The following BLTP3B variants were observed in gnomAD, a reference collection of about 807,000 sequenced individuals.
BLTP3B encodes bridge-like lipid transfer protein family member 3B.
the BLTP3B span, among the ~76,000 whole-genome samples, chr12:100,074,853 A>G: frequency 5.3e-5 from 8 of 152,206 alleles, no homozygotes; most frequent in African/African-American, 1.9e-4. Flanking sequence ...TCAATGGAAC[A>G]GAATAGAGAA....
the BLTP3B span, among the ~76,000 whole-genome samples, chr12:100,132,432 T>G: frequency 6.6e-6 from 1 of 152,108 alleles, no homozygotes; most frequent in Non-Finnish European, 1.5e-5. Context: ...GTTCTTGCAG[T>G]AGTAAGTTCT....
the BLTP3B span, among the ~76,000 whole-genome samples, chr12:100,075,810 T>A: frequency 6.6e-6 from 1 of 152,006 alleles, no homozygotes; most frequent in Admixed American, 6.6e-5. Context: ...CTCAGATACA[T>A]TAGTTAGAAT....
At chr12:100,052,939 G>A in the BLTP3B span, among the ~76,000 whole-genome samples, 7 of 151,484 alleles carry the variant, frequency 4.6e-5, no homozygotes, top group Middle Eastern at 3.4e-3. Flanking sequence ...GACTACAGGC[G>A]TGTGCCACTA....
At chr12:100,057,658 A>G in the BLTP3B span, 12 of 1,612,990 alleles carry the variant, frequency 7.4e-6, no homozygotes, top group South Asian at 4.4e-5. Flanking sequence ...ATGGTATCCA[A>G]TGACATTTGT....
the BLTP3B span, chr12:100,072,695 T>G: frequency 6.4e-7 from 1 of 1,560,442 alleles, no homozygotes; most frequent in African/African-American, 1.4e-5. Flanking sequence ...TCCATCTGGA[T>G]AGTAATATTC....
At chr12:100,058,631 A>G in the BLTP3B span, 11 of 1,614,084 alleles carry the variant, frequency 6.8e-6, no homozygotes, top group Non-Finnish European at 8.5e-6. Context: ...CAGGAGACTT[A>G]AGAGTATTTG....
chr12:100,076,926 ATTTTG>A, the BLTP3B span, among the ~76,000 whole-genome samples: 1 of 151,972 alleles, frequency 6.6e-6, no homozygotes, highest in Non-Finnish European at 1.5e-5. Context: ...ACTTTTGTTT[ATTTTG>A]TTTTGTGTTT....
chr12:100,126,035 G>A, the BLTP3B span, among the ~76,000 whole-genome samples: 1 of 152,218 alleles, frequency 6.6e-6, no homozygotes, highest in Non-Finnish European at 1.5e-5. Context: ...GGAGGCTGAG[G>A]TGGGAGGATG....
chr12:100,055,276 C>T, the BLTP3B span, among the ~76,000 whole-genome samples: 2 of 152,138 alleles, frequency 1.3e-5, no homozygotes, highest in Non-Finnish European at 2.9e-5. Context: ...GCTTTGTTTG[C>T]CTCACCTTTA....
the BLTP3B span, chr12:100,058,338 C>T: frequency 6.2e-7 from 1 of 1,613,730 alleles, no homozygotes; most frequent in African/African-American, 1.3e-5. Flanking sequence ...AAGTCCACTA[C>T]TTTCATCTTC....
chr12:100,068,371 C>T, the BLTP3B span, among the ~76,000 whole-genome samples: 1 of 152,152 alleles, frequency 6.6e-6, no homozygotes, highest in Non-Finnish European at 1.5e-5. Context: ...GGACTTAAAT[C>T]TAAGCCCTGA....
At chr12:100,045,088 TTAAA>T in the BLTP3B span, among the ~76,000 whole-genome samples, 12 of 152,024 alleles carry the variant, frequency 7.9e-5, no homozygotes, top group Non-Finnish European at 1.5e-4. Flanking sequence ...CACTGCTCAA[TTAAA>T]TAAAAGAGGA....
the BLTP3B span, among the ~76,000 whole-genome samples, chr12:100,053,336 A>C: frequency 6.6e-6 from 1 of 152,030 alleles, no homozygotes; most frequent in Non-Finnish European, 1.5e-5. Flanking sequence ...TGAACCCAGG[A>C]GGCGGAGGTT....
the BLTP3B span, chr12:100,103,929 GT>G: frequency 6.2e-7 from 1 of 1,600,398 alleles, no homozygotes; most frequent in Non-Finnish European, 8.5e-7. Context: ...GATGGGATGT[GT>G]TTTCAGTTTT....
the BLTP3B span, among the ~76,000 whole-genome samples, chr12:100,097,684 CTTCATA>C: frequency 1.3e-5 from 2 of 151,440 alleles, no homozygotes; most frequent in African/African-American, 4.9e-5. Context: ...AATTACACCT[CTTCATA>C]TTCATATTCA....
the BLTP3B span, among the ~76,000 whole-genome samples, chr12:100,041,157 C>G: frequency 1.4e-4 from 22 of 152,112 alleles, no homozygotes; most frequent in African/African-American, 4.1e-4. Context: ...TATCTATCAT[C>G]CAAAAAGTAA....
At chr12:100,108,690 T>C in the BLTP3B span, 1 of 649,994 alleles carries the variant, frequency 1.5e-6, no homozygotes, top group African/African-American at 1.9e-5. Flanking sequence ...ATAAAGAAAA[T>C]GTGGTACATA....
At chr12:100,109,192 CT>C in the BLTP3B span, among the ~76,000 whole-genome samples, 1 of 150,268 alleles carries the variant, frequency 6.7e-6, no homozygotes, top group Non-Finnish European at 1.5e-5. Flanking sequence ...CTCTCTCTCT[CT>C]CTCTCTCTCT....
the BLTP3B span, among the ~76,000 whole-genome samples, chr12:100,120,811 G>A: frequency 1.3e-5 from 2 of 151,818 alleles, no homozygotes; most frequent in Non-Finnish European, 2.9e-5. Context: ...GAGAGAGAGA[G>A]AGAAAGGCCT....
Sources: gnomAD v4.1 joint callset for allele counts (sites outside exome capture counted in the v4.1 genomes callset) on GRCh38, gnomAD v4.1.1 for gene constraint, MANE v1.5 for transcripts, NCBI Gene and HGNC (gene_info 2026-07-23, HGNC 2026-07-21) for gene names.